The following DKK2 variants were observed in gnomAD, a reference collection of about 807,000 sequenced individuals.
The protein encoded by DKK2 is dickkopf Wnt signaling pathway inhibitor 2.
Under a neutral mutation model 28.1 loss-of-function variants are expected in DKK2, and 11 were observed. The observed-to-expected ratio is 0.39, with a 90% CI of 0.25 to 0.65. The LOEUF (loss-of-function observed/expected upper bound fraction) is 0.65. Among genes scored for constraint, DKK2 ranks in the 30% least tolerant of loss-of-function variants. The pLI is 0.47. For synonymous variants in DKK2, 135 were observed against 126.5 expected, an observed-to-expected ratio of 1.07 and a Z score of -0.45; for missense variants, 326 against 335.5, an observed-to-expected ratio of 0.97 and a Z score of 0.22.
At chr4:107,019,511 C>G (rs1168506432) in intron 1 of DKK2, among the ~76,000 whole-genome samples, 2 of 151,972 alleles carry the variant, frequency 1.3e-5, no homozygotes, top group African/African-American at 2.4e-5. Flanking sequence ...AAGTGCTCCA[C>G]AAATGTTAGC....
chr4:106,957,539 G>T (rs1343418474), intron 1 of DKK2, among the ~76,000 whole-genome samples: 1 of 151,926 alleles, frequency 6.6e-6, no homozygotes, highest in Non-Finnish European at 1.5e-5. Context: ...TTAAGAAAAT[G>T]TGGCACACAT....
intron 1 of DKK2, among the ~76,000 whole-genome samples, chr4:106,956,774 C>T (rs1292145637): frequency 2.0e-5 from 3 of 151,588 alleles, no homozygotes; most frequent in Non-Finnish European, 4.4e-5. Flanking sequence ...AAGACTTAAA[C>T]ATTAGACCTA....
Position 106,966,076 on chromosome 4 carries a change from C to T in DKK2, c.223-40127G>A, listed in dbSNP as rs1038123958. Among the ~76,000 whole-genome samples the T allele has an allele frequency of 9.9e-5, 15 of 151,900 alleles. No homozygotes were observed. In the East Asian group the frequency reaches 1.2e-3, roughly 12 times the overall value. On this transcript the variant is annotated intron_variant, in intron 1 of 3. Transcript: ENST00000285311. ...AACATACGTGTGCATGTGTCTTTAC[C>T]GGAACCAGCCGCTATAAAGTAATTT...
chr4:107,011,995 T>C (rs1056032900), intron 1 of DKK2, among the ~76,000 whole-genome samples: 9 of 151,318 alleles, frequency 5.9e-5, no homozygotes, highest in Non-Finnish European at 1.2e-4. Context: ...AAATTTCTAT[T>C]TTGCTCCTAA....
chr4:106,965,936 T>A (rs1048907547), intron 1 of DKK2, among the ~76,000 whole-genome samples: 1 of 151,408 alleles, frequency 6.6e-6, no homozygotes, highest in Admixed American at 6.6e-5. Flanking sequence ...CATCATTTTT[T>A]ATGGCTGCAT....
chr4:106,975,193 CT>C (rs1381999921), intron 1 of DKK2, among the ~76,000 whole-genome samples: 1 of 152,102 alleles, frequency 6.6e-6, no homozygotes, highest in East Asian at 1.9e-4. Flanking sequence ...GGACATTGGT[CT>C]GAAATTATCT....
chr4:106,966,642 AG>A (rs1722784948), intron 1 of DKK2, among the ~76,000 whole-genome samples: 3 of 152,174 alleles, frequency 2.0e-5, no homozygotes, highest in Non-Finnish European at 4.4e-5. Context: ...AATTCTCTGG[AG>A]GCTGCCTCTG....
At chr4:106,944,158 C>G (rs1724743396) in intron 1 of DKK2, among the ~76,000 whole-genome samples, 1 of 152,052 alleles carries the variant, frequency 6.6e-6, no homozygotes, top group Non-Finnish European at 1.5e-5. Flanking sequence ...TCTTGATACA[C>G]TTTAGTCACA....
chr4:107,002,699 C>T (rs193217614), intron 1 of DKK2, among the ~76,000 whole-genome samples: 1 of 152,260 alleles, frequency 6.6e-6, no homozygotes, highest in Admixed American at 6.5e-5. Flanking sequence ...TTATAATATT[C>T]TATCTACTAG....
intron 1 of DKK2, among the ~76,000 whole-genome samples, chr4:107,015,644 G>T (rs548325502): frequency 2.8e-4 from 42 of 151,666 alleles, no homozygotes; most frequent in African/African-American, 9.2e-4. Flanking sequence ...TTCCCACATT[G>T]TTACCCAATG....
chr4:107,011,385 A>G (rs754236801), intron 1 of DKK2, among the ~76,000 whole-genome samples: 1 of 151,540 alleles, frequency 6.6e-6, no homozygotes, highest in Non-Finnish European at 1.5e-5. Flanking sequence ...TGATTTTCCT[A>G]AAGTGGAAGA....
intron 1 of DKK2, among the ~76,000 whole-genome samples, chr4:106,956,303 TATC>T (rs1397328743): frequency 6.6e-6 from 1 of 152,092 alleles, no homozygotes; most frequent in Non-Finnish European, 1.5e-5. Flanking sequence ...GAAGAATCAA[TATC>T]ATGAAAATGG....
rs879540382 is a variant in DKK2 at position 107,009,753 on chromosome 4, C to T, written c.222+25617G>A. Among the ~76,000 whole-genome samples, 46 of 151,778 alleles carry T rather than the reference C, an allele frequency of 3.0e-4. 3 individuals carry two copies. ...TAAAATACACAAGCCCTCACTTTGA[C>T]ACAGCATTGGAAGGGACATTCTTGA... On this transcript the variant is annotated intron_variant, in intron 1 of 3. Transcript: ENST00000285311.
intron 1 of DKK2, among the ~76,000 whole-genome samples, chr4:106,991,692 C>T (rs1409185081): frequency 6.6e-6 from 1 of 152,120 alleles, no homozygotes; most frequent in Non-Finnish European, 1.5e-5. Flanking sequence ...TTGCCCAGCC[C>T]CAACACATAC....
chr4:106,990,174 T>A (rs898514455), intron 1 of DKK2, among the ~76,000 whole-genome samples: 7 of 152,230 alleles, frequency 4.6e-5, no homozygotes, highest in South Asian at 2.1e-4. Flanking sequence ...TTAACACTAA[T>A]TAATAAATTA....
intron 1 of DKK2, among the ~76,000 whole-genome samples, chr4:106,996,398 A>G (rs1440923872): frequency 6.6e-6 from 1 of 152,150 alleles, no homozygotes; most frequent in African/African-American, 2.4e-5. Flanking sequence ...CCTAGACAGC[A>G]GATTATAAGG....
chr4:107,032,013 C>T (rs912581970), intron 1 of DKK2, among the ~76,000 whole-genome samples: 11 of 151,738 alleles, frequency 7.2e-5, no homozygotes, highest in Non-Finnish European at 1.3e-4. Flanking sequence ...TAGAAATTGA[C>T]ATATATATTA....
In DKK2 at chr4:107,032,906, T is replaced by C. The variant is rs977355355; in HGVS notation, c.222+2464A>G. ...ACAAAAGGAAATAACATCTTCCCTG[T>C]AATAGCCTTTCTAATTTCCATTTCA... On this transcript the variant is annotated intron_variant, in intron 1 of 3. Coordinates refer to ENST00000285311, the MANE Select transcript of DKK2 (RefSeq NM_014421.3). Among the ~76,000 whole-genome samples, 3 of 151,116 alleles carry C rather than the reference T, an allele frequency of 2.0e-5. No homozygotes were observed. The South Asian group carries it at 6.2e-4, about 31-fold the overall frequency.
intron 1 of DKK2, among the ~76,000 whole-genome samples, chr4:107,028,520 A>G (rs34067562): frequency 0.23 from 35,166 of 151,872 alleles, 4,273 homozygotes; most frequent in East Asian, 0.49. Context: ...TATTACTCTT[A>G]CGTTATTGTT....
Sources: allele counts gnomAD v4.1 joint callset (sites outside exome capture counted in the v4.1 genomes callset), GRCh38; gene constraint gnomAD v4.1.1; transcripts MANE v1.5; gene names NCBI Gene and HGNC (gene_info 2026-07-23, HGNC 2026-07-21).